The following INSC variants were observed in gnomAD, a reference collection of about 807,000 sequenced individuals.
INSC encodes protein inscuteable homolog.
In INSC, 67 loss-of-function variants were observed where a neutral mutation model predicts 58.6. The ratio of observed to expected loss-of-function variants is 1.14; its 90% CI spans 0.94 to 1.40. The LOEUF (loss-of-function observed/expected upper bound fraction) is 1.40. INSC is among the 40% of genes most tolerant of loss of function. The probability of loss-of-function intolerance (pLI) is 0.00; values close to 1 mark genes in which losing one functional copy is unlikely to be tolerated. For missense variants in INSC, 714 were observed against 692.0 expected, an observed-to-expected ratio of 1.03 and a Z score of -0.36; for synonymous variants, 262 against 276.1, an observed-to-expected ratio of 0.95 and a Z score of 0.51.
the INSC span, among the ~76,000 whole-genome samples, chr11:15,255,736 A>ATG: frequency 0.013 from 1,903 of 147,756 alleles, 10 homozygotes; most frequent in African/African-American, 0.024. Context: ...AAGTGTGTGT[A>ATG]TGTGTGTGTG....
intron 12 of INSC, among the ~76,000 whole-genome samples, chr11:15,243,794 TC>T (rs929017610): frequency 4.6e-5 from 7 of 152,028 alleles, no homozygotes; most frequent in African/African-American, 9.7e-5. Flanking sequence ...CTCTACTCCT[TC>T]CTTTTTCTCT....
At chr11:15,191,179 C>T (rs1455529718) in intron 6 of INSC, among the ~76,000 whole-genome samples, 1 of 152,066 alleles carries the variant, frequency 6.6e-6, no homozygotes, top group East Asian at 1.9e-4. Flanking sequence ...CGGGGTTTCA[C>T]CGTGTTAGCC....
chr11:15,160,829 T>G (rs1043743631), intron 2 of INSC, among the ~76,000 whole-genome samples: 3 of 152,222 alleles, frequency 2.0e-5, no homozygotes, highest in African/African-American at 7.2e-5. Context: ...ATTAGGGTGC[T>G]GGACAAACTG....
rs1021198357 is a variant in INSC at position 15,211,374 on chromosome 11, C to T, written c.820-10103C>T. On this transcript the variant is annotated intron_variant, in intron 7 of 12. Transcript: ENST00000379556. ...GTGAAATGTAGGGCTGAGTCTTTTGCCCATTTTTAAAACACTGGGTTGTTT... is the reference window on the plus strand; with the variant it reads ...GTGAAATGTAGGGCTGAGTCTTTTGTCCATTTTTAAAACACTGGGTTGTTT... Among the ~76,000 whole-genome samples, 8 of 152,084 alleles carry T rather than the reference C, an allele frequency of 5.3e-5. 1 individual carries two copies. Among genetic ancestry groups the T allele is most frequent in the Admixed American group, 5.2e-4 (8 of 15,284 alleles).
intron 2 of INSC, among the ~76,000 whole-genome samples, chr11:15,157,021 C>T (rs1412373341): frequency 6.6e-6 from 1 of 152,178 alleles, no homozygotes; most frequent in Non-Finnish European, 1.5e-5. Context: ...TGCCAGACTT[C>T]AGAAAGCCCA....
chr11:15,190,211 G>A (rs971903978), intron 5 of INSC, among the ~76,000 whole-genome samples: 1 of 152,172 alleles, frequency 6.6e-6, no homozygotes, highest in South Asian at 2.1e-4. Flanking sequence ...AAACTACTGT[G>A]GAGCACTTCT....
intron 7 of INSC, among the ~76,000 whole-genome samples, chr11:15,220,149 T>C (rs1851381797): frequency 6.6e-6 from 1 of 152,184 alleles, no homozygotes; most frequent in African/African-American, 2.4e-5. Flanking sequence ...TGGTGATAAT[T>C]AGGCAAACGA....
chr11:15,207,265 GC>G (rs1850840824), intron 7 of INSC, among the ~76,000 whole-genome samples: 1 of 152,192 alleles, frequency 6.6e-6, no homozygotes, highest in Non-Finnish European at 1.5e-5. Context: ...ACCAGAGACG[GC>G]CTCACTTTCA....
intron 2 of INSC, among the ~76,000 whole-genome samples, chr11:15,174,618 A>C (rs1365273032): frequency 6.6e-6 from 1 of 152,242 alleles, no homozygotes; most frequent in Non-Finnish European, 1.5e-5. Flanking sequence ...GACTAATCAG[A>C]ATACTGTTAC....
intron 7 of INSC, among the ~76,000 whole-genome samples, chr11:15,216,517 T>A (rs1046695012): frequency 6.6e-6 from 1 of 152,206 alleles, no homozygotes; most frequent in Middle Eastern, 3.2e-3. Context: ...CCTATCACAA[T>A]GTAGGTGCTC....
chr11:15,193,544 T>C (rs537098955), intron 6 of INSC, among the ~76,000 whole-genome samples: 8 of 152,306 alleles, frequency 5.3e-5, no homozygotes, highest in Middle Eastern at 3.4e-3. Context: ...ACATGCGGTG[T>C]TGGTTTTCTG....
chr11:15,263,130 T>C, the INSC span, among the ~76,000 whole-genome samples: 5 of 152,124 alleles, frequency 3.3e-5, no homozygotes. Context: ...AGCTAAACAG[T>C]GAACTGATGA....
chr11:15,252,081 G>A (rs1197832598), downstream of INSC, among the ~76,000 whole-genome samples: 1 of 152,196 alleles, frequency 6.6e-6, no homozygotes, highest in Non-Finnish European at 1.5e-5. Context: ...GGCTACAACA[G>A]TGATTAACTT....
At position 15,157,058 on chromosome 11, in the gene INSC, C is replaced by T. The variant is rs1433312917; in HGVS notation, c.56+7828C>T. 2.0e-5 allele frequency among the ~76,000 whole-genome samples: 3 copies of T among 152,148 alleles called. No homozygotes were observed. In the East Asian group the frequency reaches 5.8e-4, roughly 29 times the overall value. On this transcript the variant is annotated intron_variant, in intron 2 of 12. Coordinates refer to ENST00000379556, the MANE Select transcript of INSC (RefSeq NM_001042536.3). ...ATTTTAGGACTTGGTCCCCTCATTCCAGATGTTCAGGACAGCCTCCATCAG... is the reference window on the plus strand; with the variant it reads ...ATTTTAGGACTTGGTCCCCTCATTCTAGATGTTCAGGACAGCCTCCATCAG...
intron 7 of INSC, among the ~76,000 whole-genome samples, chr11:15,211,856 A>AT (rs57303496): frequency 0.016 from 2,391 of 146,308 alleles, 63 homozygotes; most frequent in African/African-American, 0.056. Flanking sequence ...CTGTTTCTGG[A>AT]TTTTTTTTTT....
chr11:15,174,131 C>T (rs1849495717), intron 2 of INSC, among the ~76,000 whole-genome samples: 1 of 151,986 alleles, frequency 6.6e-6, no homozygotes, highest in Non-Finnish European at 1.5e-5. Context: ...CTACTCTGGC[C>T]TCCTTGCTAT....
chr11:15,126,804 G>T (rs1423007096), intron 1 of INSC, among the ~76,000 whole-genome samples: 1 of 152,174 alleles, frequency 6.6e-6, no homozygotes, highest in Non-Finnish European at 1.5e-5. Flanking sequence ...CTACCTGACC[G>T]CCAGGACCAA....
At chr11:15,188,697 A>C (rs1320832385) in intron 5 of INSC, among the ~76,000 whole-genome samples, 1 of 152,248 alleles carries the variant, frequency 6.6e-6, no homozygotes, top group East Asian at 1.9e-4. Flanking sequence ...ACATGAAATT[A>C]TTCTCAGACT....
upstream of INSC, chr11:15,112,288 G>A: frequency 2.1e-6 from 1 of 481,930 alleles, no homozygotes; most frequent in East Asian, 3.3e-5. Flanking sequence ...GGGTCGAGGG[G>A]GAGGAAGCTT....
Sources: gnomAD v4.1 joint callset for allele counts (sites outside exome capture counted in the v4.1 genomes callset) on GRCh38, gnomAD v4.1.1 for gene constraint, MANE v1.5 for transcripts, NCBI Gene and HGNC (gene_info 2026-07-23, HGNC 2026-07-21) for gene names.